EXTL3: variants seen among roughly 807,000 people sequenced by gnomAD.
The protein encoded by EXTL3 is exostosin-like 3.
Under a neutral mutation model 69.3 loss-of-function variants are expected in EXTL3, and 27 were observed. The ratio of observed to expected loss-of-function variants is 0.39; its 90% CI spans 0.29 to 0.54. The LOEUF is 0.54. Ranked by LOEUF, EXTL3 falls within the 20% of genes least tolerant of loss-of-function variation. The probability of loss-of-function intolerance (pLI) is 0.69; values close to 1 mark genes in which losing one functional copy is unlikely to be tolerated. For synonymous variants in EXTL3, 511 were observed against 499.4 expected (o/e 1.02, Z -0.31); for missense variants, 1,003 against 1,231.8 (o/e 0.81, Z 2.78).
chr8:28,685,505 C>T (rs979180882), intron 1 of EXTL3, among the ~76,000 whole-genome samples: 1 of 151,316 alleles, frequency 6.6e-6, no homozygotes, highest in African/African-American at 2.4e-5. Flanking sequence ...CCCTGTTGTA[C>T]AGGCTGGAGT....
At chr8:28,670,970 GTT>G (rs11430681) in intron 1 of EXTL3, among the ~76,000 whole-genome samples, 1 of 114,342 alleles carries the variant, frequency 8.7e-6, no homozygotes, top group African/African-American at 2.5e-5. Flanking sequence ...CATAGCTTCT[GTT>G]TTTTTTTTTT....
chr8:28,634,002 C>T (rs1008177154), intron 1 of EXTL3, among the ~76,000 whole-genome samples: 5 of 152,188 alleles, frequency 3.3e-5, no homozygotes, highest in African/African-American at 1.2e-4. Context: ...CCATCTGCCC[C>T]CTTGTTGAGA....
intron 1 of EXTL3, among the ~76,000 whole-genome samples, chr8:28,685,133 GT>G (rs1268116144): frequency 1.3e-5 from 2 of 151,918 alleles, no homozygotes; most frequent in Non-Finnish European, 2.9e-5. Context: ...TATATTTTAA[GT>G]AGAGGTGGAG....
chr8:28,756,307 A>G (rs1802121018), downstream of EXTL3, among the ~76,000 whole-genome samples: 1 of 152,106 alleles, frequency 6.6e-6, no homozygotes, highest in African/African-American at 2.4e-5. Flanking sequence ...TTCATTTTGG[A>G]TTAGTTTTCC....
intron 1 of EXTL3, among the ~76,000 whole-genome samples, chr8:28,674,537 G>C (rs770955073): frequency 2.0e-5 from 3 of 152,200 alleles, no homozygotes; most frequent in African/African-American, 4.8e-5. Context: ...CCCTGAGGGA[G>C]ACCTTTATTT....
At chr8:28,708,221 A>G (rs1244288358) in intron 1 of EXTL3, among the ~76,000 whole-genome samples, 1 of 152,180 alleles carries the variant, frequency 6.6e-6, no homozygotes, top group Admixed American at 6.5e-5. Context: ...AGGCACAACC[A>G]GTTTTTCACA....
intron 1 of EXTL3, among the ~76,000 whole-genome samples, chr8:28,683,117 A>G (rs1037629874): frequency 3.3e-5 from 5 of 152,092 alleles, no homozygotes; most frequent in African/African-American, 9.7e-5. Flanking sequence ...CCATTGGTCT[A>G]TGTGTCTGTT....
intron 1 of EXTL3, among the ~76,000 whole-genome samples, chr8:28,688,880 C>T (rs1194791088): frequency 1.3e-5 from 2 of 152,156 alleles, no homozygotes; most frequent in Non-Finnish European, 2.9e-5. Context: ...TTGTCAAGGG[C>T]CGGAAGAGAT....
chr8:28,633,636 AAAT>A (rs997021637), intron 1 of EXTL3, among the ~76,000 whole-genome samples: 20 of 152,088 alleles, frequency 1.3e-4, no homozygotes, highest in South Asian at 6.2e-4. Flanking sequence ...TCTGTTTCAA[AAAT>A]AATAATAATA....
rs1802005336 is a variant in EXTL3 at position 28,751,579 on chromosome 8, AC to A, written c.*716del. 1.3e-5 allele frequency: 2 copies of A among 152,180 alleles called. No homozygotes were observed. The highest frequency in any genetic ancestry group is 1.5e-5 in the Non-Finnish European group (1 of 68,168). 9.4% of individuals were successfully genotyped at this position (152,180 alleles called of 1,614,324 possible). Reference sequence around the variant, plus strand: ...CCCAGTGAATCCCTGGGAGCGCCTGACCCTGGTGGGCTGTTCAGCTTCCTGC... The same window carrying A: ...CCCAGTGAATCCCTGGGAGCGCCTGACCTGGTGGGCTGTTCAGCTTCCTGC... On this transcript the variant is annotated 3_prime_UTR_variant, in exon 7 of 7. Coordinates refer to ENST00000220562, the MANE Select transcript of EXTL3 (RefSeq NM_001440.4).
chr8:28,750,833 C>T lies in EXTL3; in HGVS notation c.2727C>T (p.Pro909=). ...CTGTGCTCTTCAAGACACGCCTGCC[C>T]CATGACAAGACCAAGTGCTTCAAGT... ...VDSVLFKTRL[P]HDKTKCFKFI The change falls in exon 7 of 7, where the codon CCC becomes CCT. Residue 909 remains proline (P), a synonymous_variant. Coordinates refer to ENST00000220562, the MANE Select transcript of EXTL3 (RefSeq NM_001440.4). The surrounding 1 kb of genome is among the most constrained non-coding windows in gnomAD (Gnocchi z 5.2). The T allele has an allele frequency of 6.2e-7, 1 of 1,614,150 alleles. No individual in the cohort carries two copies. The highest frequency in any genetic ancestry group is 8.5e-7 in the Non-Finnish European group (1 of 1,180,026).
chr8:28,637,530 GC>G (rs1480946217), intron 1 of EXTL3: 7 of 152,394 alleles, frequency 4.6e-5, no homozygotes, highest in Non-Finnish European at 1.0e-4. Context: ...TATGATAGTG[GC>G]CTGTGTCTAT....
intron 1 of EXTL3, among the ~76,000 whole-genome samples, chr8:28,670,970 G>GTT (rs11430681): frequency 1.0e-3 from 117 of 114,372 alleles, no homozygotes; most frequent in African/African-American, 1.9e-3. Flanking sequence ...CATAGCTTCT[G>GTT]TTTTTTTTTT....
At position 28,750,045 on chromosome 8, in the gene EXTL3, T is replaced by C. The variant is rs914152015; in HGVS notation, c.2551-612T>C. On this transcript the variant is annotated intron_variant, in intron 6 of 6. Coordinates refer to ENST00000220562, the MANE Select transcript of EXTL3 (RefSeq NM_001440.4). This position sits in a 1 kb window ranked among gnomAD's most constrained non-coding sequence, Gnocchi z 5.2. ...GATGGTTTATGTATTTCTTCTTGCATGTTCAGGTGTTCTGAGGGGTTTTTA... is the reference window on the plus strand; with the variant it reads ...GATGGTTTATGTATTTCTTCTTGCACGTTCAGGTGTTCTGAGGGGTTTTTA... Among the ~76,000 whole-genome samples, 2 of 152,244 alleles carry C rather than the reference T, an allele frequency of 1.3e-5. No individual in the cohort carries two copies. The highest frequency in any genetic ancestry group is 4.8e-5 in the African/African-American group (2 of 41,456).
upstream of EXTL3, among the ~76,000 whole-genome samples, chr8:28,619,266 T>TAAAAAAAAAAAAAAAAAAAAAAAAAAA (rs755355444): frequency 4.6e-5 from 3 of 64,656 alleles, 1 homozygote; most frequent in Non-Finnish European, 8.3e-5. Context: ...AGCTTAGTGA[T>TAAAAAAAAAAAAAAAAAAAAAAAAAAA]AAAAAAAAAA....
At chr8:28,731,503 T>C (rs1801537477) in intron 4 of EXTL3, among the ~76,000 whole-genome samples, 153 bp downstream of exon 4, 1 of 152,230 alleles carries the variant, frequency 6.6e-6, no homozygotes, top group Non-Finnish European at 1.5e-5. Flanking sequence ...GGCTCGTAGA[T>C]GGCGTTGGAG....
At chr8:28,731,182 A>G (rs965734896) in intron 3 of EXTL3, 41 bp from the exon 4 acceptor site, 6 of 1,613,842 alleles carry the variant, frequency 3.7e-6, no homozygotes, top group Non-Finnish European at 2.5e-6. Context: ...GCCTTTCATA[A>G]CACAGCCTTA....
intron 1 of EXTL3, among the ~76,000 whole-genome samples, chr8:28,628,651 CTTGTTTTTTGT>C (rs899244614): frequency 1.3e-5 from 2 of 152,102 alleles, no homozygotes; most frequent in African/African-American, 4.8e-5. Context: ...TTGTGACAAA[CTTGTTTTTTGT>C]TTGTTTTTTG....
chr8:28,741,875 C>T (rs1801788910), intron 5 of EXTL3: 1 of 152,114 alleles, frequency 6.6e-6, no homozygotes, highest in South Asian at 2.1e-4. Context: ...AAAATTTTAT[C>T]ATTATTTCAC....
Sources: allele counts gnomAD v4.1 joint callset (sites outside exome capture counted in the v4.1 genomes callset), GRCh38; gene constraint gnomAD v4.1.1; non-coding constraint Gnocchi (gnomAD v3.1); transcripts MANE v1.5; gene names NCBI Gene and HGNC (gene_info 2026-07-23, HGNC 2026-07-21).